The following ACER1 variants were observed in gnomAD, a reference collection of about 807,000 sequenced individuals.
The protein encoded by ACER1 is CTB-180A7.3.
ACER1 carries 28 observed loss-of-function variants against 24.9 expected under a neutral mutation model. The ratio of observed to expected loss-of-function variants is 1.13; its 90% CI spans 0.83 to 1.54. The LOEUF (loss-of-function observed/expected upper bound fraction) is 1.54, where lower values mean the gene tolerates loss of function less well. Among genes scored for constraint, ACER1 ranks in the 40% most tolerant of loss-of-function variants. ACER1 has a pLI of 0.00. For missense variants in ACER1, 352 were observed against 349.3 expected (o/e 1.01, Z -0.06); for synonymous variants, 132 against 131.4 (o/e 1.00, Z -0.03).
At chr19:6,345,357 C>T in the ACER1 span, among the ~76,000 whole-genome samples, 1 of 152,004 alleles carries the variant, frequency 6.6e-6, no homozygotes, top group African/African-American at 2.4e-5. Flanking sequence ...AATTTTATCA[C>T]GGAGGTGTGG....
chr19:6,330,671 A>G (rs1416502937), intron 1 of ACER1, among the ~76,000 whole-genome samples: 1 of 149,046 alleles, frequency 6.7e-6, no homozygotes, highest in Non-Finnish European at 1.5e-5. Flanking sequence ...ACACTGGACC[A>G]CAGTGGCTGC....
At chr19:6,309,138 C>T (rs942997879) in intron 4 of ACER1, among the ~76,000 whole-genome samples, 23 of 152,040 alleles carry the variant, frequency 1.5e-4, no homozygotes, top group Admixed American at 1.3e-3. Context: ...GCAGAGTTTG[C>T]AGTGAGCTGA....
the ACER1 span, among the ~76,000 whole-genome samples, chr19:6,342,739 AC>A: frequency 6.6e-6 from 1 of 152,124 alleles, no homozygotes; most frequent in Non-Finnish European, 1.5e-5. Flanking sequence ...ATAAATAAAT[AC>A]AATAAAATAA....
the ACER1 span, among the ~76,000 whole-genome samples, chr19:6,347,109 A>AAAAATATATATATATATATATATATATAT: frequency 5.3e-5 from 6 of 113,766 alleles, no homozygotes; most frequent in African/African-American, 3.0e-4. Flanking sequence ...AAAAAAAAAA[A>AAAAATATATATATATATATATATATATAT]ATATATATAT....
chr19:6,313,371 A>G (rs562955147), intron 1 of ACER1, among the ~76,000 whole-genome samples: 1 of 152,220 alleles, frequency 6.6e-6, no homozygotes, highest in Admixed American at 6.5e-5. Flanking sequence ...TCCTCCCACC[A>G]TAGCCTAAAG....
intron 1 of ACER1, among the ~76,000 whole-genome samples, chr19:6,326,814 T>G (rs2091663818): frequency 6.6e-6 from 1 of 152,058 alleles, no homozygotes; most frequent in Non-Finnish European, 1.5e-5. Flanking sequence ...AGTCCATCAG[T>G]GAACACAGGA....
At chr19:6,352,564 T>G in the ACER1 span, among the ~76,000 whole-genome samples, 3 of 152,188 alleles carry the variant, frequency 2.0e-5, no homozygotes, top group Non-Finnish European at 4.4e-5. Context: ...CTCCTAAGTT[T>G]AGGGGCGGTT....
At chr19:6,343,742 G>A in the ACER1 span, 1 of 152,274 alleles carries the variant, frequency 6.6e-6, no homozygotes, top group East Asian at 1.9e-4. Flanking sequence ...GCTGGGAAAT[G>A]TAATCTGTAG....
the ACER1 span, among the ~76,000 whole-genome samples, chr19:6,356,642 A>G: frequency 6.6e-6 from 1 of 151,694 alleles, no homozygotes; most frequent in African/African-American, 2.4e-5. Flanking sequence ...TCATAATTTT[A>G]CCTCCAAAAT....
chr19:6,325,391 G>A lies in ACER1; in HGVS notation c.93+8068C>T, dbSNP rs148602307. 3.5e-4 allele frequency among the ~76,000 whole-genome samples: 53 copies of A among 152,290 alleles called. No individual in the cohort carries two copies. The East Asian group carries it at 6.6e-3, about 19-fold the overall frequency. On this transcript the variant is annotated intron_variant, in intron 1 of 5. Transcript: ENST00000301452. ...ACCTTGGCCGGGTGCAGTGGCTCAC[G>A]CCTGTTATCCCAGCACTTTGGGAGG...
chr19:6,312,549 A>G (rs1323905160), intron 1 of ACER1, 50 bp from the exon 2 acceptor site: 4 of 1,455,454 alleles, frequency 2.7e-6, no homozygotes, highest in Non-Finnish European at 2.9e-6. Context: ...GGGGAGACGG[A>G]GGAGGCTGCC....
the ACER1 span, among the ~76,000 whole-genome samples, chr19:6,354,916 C>G: frequency 1.3e-5 from 2 of 152,192 alleles, no homozygotes; most frequent in East Asian, 3.9e-4. Context: ...TCACTGCAGC[C>G]TCCCTGCCTG....
At chr19:6,351,423 A>T in the ACER1 span, among the ~76,000 whole-genome samples, 25 of 151,728 alleles carry the variant, frequency 1.6e-4, no homozygotes, top group Admixed American at 2.6e-4. Flanking sequence ...CATAATATGG[A>T]TACTTGATAA....
the ACER1 span, among the ~76,000 whole-genome samples, chr19:6,349,497 GAAGGAAGGAAAGAAGGAAGGAAGGA>G: frequency 2.0e-5 from 3 of 148,540 alleles, no homozygotes; most frequent in African/African-American, 7.5e-5. Context: ...GGGAAGGAAG[GAAGGAAGGAAAGAAGGAAGGAAGGA>G]AAGGAAGGGA....
upstream of ACER1, among the ~76,000 whole-genome samples, chr19:6,338,590 T>C (rs1234936664): frequency 6.6e-6 from 1 of 151,996 alleles, no homozygotes; most frequent in East Asian, 1.9e-4. Flanking sequence ...AATTATTCCA[T>C]TTTTTTTAAT....
the ACER1 span, among the ~76,000 whole-genome samples, chr19:6,345,340 G>T: frequency 6.6e-6 from 1 of 152,144 alleles, no homozygotes; most frequent in South Asian, 2.1e-4. Context: ...CCAGTTTTGT[G>T]CAAGACAATT....
At chr19:6,352,646 T>A in the ACER1 span, among the ~76,000 whole-genome samples, 4 of 152,204 alleles carry the variant, frequency 2.6e-5, no homozygotes, top group Non-Finnish European at 4.4e-5. Flanking sequence ...TGGGGTCAAA[T>A]CTTAGTGCAC....
At chr19:6,341,881 G>A in the ACER1 span, among the ~76,000 whole-genome samples, 1 of 152,064 alleles carries the variant, frequency 6.6e-6, no homozygotes, top group Admixed American at 6.6e-5. Context: ...TGCCTGCCTT[G>A]GCCTCCCAAA....
At chr19:6,327,358 G>A (rs551601898) in intron 1 of ACER1, among the ~76,000 whole-genome samples, 1 of 152,216 alleles carries the variant, frequency 6.6e-6, no homozygotes, top group East Asian at 1.9e-4. Context: ...AAAGTCAGGA[G>A]ATCGAGACCA....
Sources: gnomAD v4.1 joint callset for allele counts (sites outside exome capture counted in the v4.1 genomes callset) on GRCh38, gnomAD v4.1.1 for gene constraint, MANE v1.5 for transcripts, NCBI Gene and HGNC (gene_info 2026-07-23, HGNC 2026-07-21) for gene names.